POLN: variants seen among roughly 807,000 people sequenced by gnomAD.
The protein encoded by POLN is DNA polymerase N.
A neutral mutation model predicts 113.5 loss-of-function variants in POLN; 108 were observed. That is an observed-to-expected ratio of 0.95 (90% CI 0.81 to 1.12). POLN has a LOEUF of 1.12. Ranked by LOEUF, POLN falls within the 50% of genes most tolerant of loss-of-function variation. POLN has a pLI of 0.00. For synonymous variants in POLN, 386 were observed against 391.5 expected (o/e 0.99, Z 0.17); for missense variants, 1,097 against 1,077.1 (o/e 1.02, Z -0.26).
rs1227037410 is a variant in POLN at position 2,073,001 on chromosome 4, C to T, written c.2484G>A (p.Leu828=). 2 of 1,613,564 alleles carry T rather than the reference C, an allele frequency of 1.2e-6. No homozygotes were observed. The highest frequency in any genetic ancestry group is 1.7e-6 in the Non-Finnish European group (2 of 1,179,962). ...GCAGCTCCAATGCCTGCACCTGTTC[C>T]AAGGACTCCATGGTCCTCCTGACGA... is the stretch of plus-strand genomic sequence containing the variant. ...AALVRRTMES[L]EQVQALELQL... Residue 828 remains leucine, a synonymous_variant, in exon 25 of 26, where the codon TTG becomes TTA. Transcript: ENST00000511885.
intron 13 of POLN, among the ~76,000 whole-genome samples, chr4:2,164,140 T>C (rs1230897567): frequency 6.6e-6 from 1 of 152,224 alleles, no homozygotes; most frequent in Non-Finnish European, 1.5e-5. Flanking sequence ...TTGCTCCATT[T>C]TCATTGCCAT....
At chr4:2,186,961 T>C (rs929404290) in intron 7 of POLN, among the ~76,000 whole-genome samples, 3 of 152,172 alleles carry the variant, frequency 2.0e-5, no homozygotes, top group Non-Finnish European at 4.4e-5. Flanking sequence ...CTGAGAAATA[T>C]ATTTGCTGAA....
At chr4:2,113,750 T>C (rs555108758) in intron 19 of POLN, among the ~76,000 whole-genome samples, 136 of 151,600 alleles carry the variant, frequency 9.0e-4, no homozygotes, top group African/African-American at 3.2e-3. Flanking sequence ...CCCAGCTACT[T>C]GAGAGGCTGA....
chr4:2,096,287 C>G (rs1730788696), intron 19 of POLN, among the ~76,000 whole-genome samples: 1 of 152,220 alleles, frequency 6.6e-6, no homozygotes, highest in Non-Finnish European at 1.5e-5. Context: ...ACGTCTGTGT[C>G]TGCTGCAGTG....
chr4:2,129,018 G>A (rs1172761127), intron 18 of POLN, among the ~76,000 whole-genome samples, 161 bp downstream of exon 18: 5 of 141,310 alleles, frequency 3.5e-5, no homozygotes, highest in African/African-American at 1.1e-4. Flanking sequence ...TCATGCCACT[G>A]CACTCCAGCC....
intron 3 of POLN, among the ~76,000 whole-genome samples, chr4:2,225,928 G>A (rs909276431): frequency 6.6e-6 from 1 of 152,014 alleles, no homozygotes. Context: ...TTGAACCTGG[G>A]AGGTTCAGGC....
At chr4:2,228,065 C>G (rs538711970) in intron 3 of POLN, 36 of 152,732 alleles carry the variant, frequency 2.4e-4, no homozygotes, top group African/African-American at 8.7e-4. Flanking sequence ...GTATCTTAAT[C>G]AAGATGTGTT....
At chr4:2,101,120 G>T (rs1730912165) in intron 19 of POLN, among the ~76,000 whole-genome samples, 2 of 151,700 alleles carry the variant, frequency 1.3e-5, no homozygotes, top group South Asian at 2.1e-4. Flanking sequence ...ACAAAAATGG[G>T]GTCCAGATTG....
chr4:2,241,179 C>T (rs1036969225), intron 2 of POLN: 8 of 427,660 alleles, frequency 1.9e-5, no homozygotes, highest in Non-Finnish European at 3.3e-5. Context: ...CACATGATAT[C>T]CGAGAGCGGG....
chr4:2,213,014 TATTTAAAATTACTCATATGTGCA>T lies in POLN; in HGVS notation c.213+10_213+32del. 6.8e-7 allele frequency: 1 copy of T among 1,460,342 alleles called. No homozygotes were observed. Among genetic ancestry groups the T allele is most frequent in the Non-Finnish European group, 9.5e-7 (1 of 1,052,508 alleles). 90.5% of individuals were successfully genotyped at this position (1,460,342 alleles called of 1,614,324 possible). On this transcript the variant is annotated intron_variant, in intron 4 of 25. Transcript: ENST00000511885. ...GCATCTATTGAACAAATAAGTTATC[TATTTAAAATTACTCATATGTGCA>T]ATGATTTACCTTTTTTTCTGGTGAT...
chr4:2,137,146 G>A (rs913740472), intron 16 of POLN, among the ~76,000 whole-genome samples: 2 of 152,204 alleles, frequency 1.3e-5, no homozygotes, highest in Non-Finnish European at 2.9e-5. Context: ...TGAGTAAGAC[G>A]AAAAATAAAT....
intron 4 of POLN, 93 bp downstream of exon 4, chr4:2,212,954 C>A: frequency 2.8e-6 from 2 of 716,692 alleles, no homozygotes; most frequent in Non-Finnish European, 4.2e-6. Flanking sequence ...GGTGTGGTAT[C>A]TACAGTGCCT....
chr4:2,091,777 G>GTA (rs1301426112), intron 20 of POLN, among the ~76,000 whole-genome samples: 6 of 95,812 alleles, frequency 6.3e-5, no homozygotes, highest in Admixed American at 1.1e-4. Flanking sequence ...GTGTGTGTGT[G>GTA]TGTGTGTGTG....
At chr4:2,194,048 C>T (rs1041836665) in intron 6 of POLN, among the ~76,000 whole-genome samples, 4 of 152,182 alleles carry the variant, frequency 2.6e-5, no homozygotes, top group African/African-American at 4.8e-5. Flanking sequence ...CTGGACACTT[C>T]GCAGCATTGT....
intron 6 of POLN, among the ~76,000 whole-genome samples, chr4:2,196,527 T>C (rs1733577453): frequency 6.6e-6 from 1 of 152,054 alleles, no homozygotes; most frequent in Non-Finnish European, 1.5e-5. Flanking sequence ...CAATGCTATG[T>C]CCTGATCCCA....
At chr4:2,081,321 AG>A in intron 22 of POLN, 1 of 822,690 alleles carries the variant, frequency 1.2e-6, no homozygotes, top group African/African-American at 1.7e-5. Context: ...CCAAGTGCCA[AG>A]GAACTGAGCT....
chr4:2,160,607 C>T (rs951477861), intron 13 of POLN, among the ~76,000 whole-genome samples: 61 of 152,070 alleles, frequency 4.0e-4, no homozygotes, highest in African/African-American at 1.4e-3. Flanking sequence ...TGAGGTCTCG[C>T]CATGTTGCCC....
At chr4:2,207,944 T>C (rs772886480) in intron 5 of POLN, 43 bp downstream of exon 5, 24 of 1,522,842 alleles carry the variant, frequency 1.6e-5, no homozygotes, top group Non-Finnish European at 2.0e-5. Flanking sequence ...GGGCTTCTTT[T>C]ATGGTGTCAA....
At chr4:2,092,978 G>A (rs937231473) in intron 20 of POLN, among the ~76,000 whole-genome samples, 1 of 152,212 alleles carries the variant, frequency 6.6e-6, no homozygotes, top group Non-Finnish European at 1.5e-5. Flanking sequence ...CAGCAGAGCC[G>A]GAGGCTCAGG....
Sources: allele counts gnomAD v4.1 joint callset (sites outside exome capture counted in the v4.1 genomes callset), GRCh38; gene constraint gnomAD v4.1.1; transcripts MANE v1.5; gene names NCBI Gene and HGNC (gene_info 2026-07-23, HGNC 2026-07-21).